Variants in LARP1 observed in about 807,000 individuals in gnomAD.
LARP1 encodes la-related protein 1.
In LARP1, 36 loss-of-function variants were observed where a neutral mutation model predicts 122.7. The ratio of observed to expected loss-of-function variants is 0.29; its 90% CI spans 0.22 to 0.39. The LOEUF is 0.39. Ranked by LOEUF, LARP1 falls within the 10% of genes least tolerant of loss-of-function variation. LARP1 has a pLI of 1.00. For synonymous variants in LARP1, 539 were observed against 528.7 expected (o/e 1.02, Z -0.27); for missense variants, 1,040 against 1,403.6 (o/e 0.74, Z 4.14).
intron 1 of LARP1, among the ~76,000 whole-genome samples, chr5:154,726,636 A>T (rs1427987121): frequency 6.6e-6 from 1 of 152,232 alleles, no homozygotes; most frequent in East Asian, 1.9e-4. Flanking sequence ...AACTCAATAG[A>T]TGGATATAAC....
chr5:154,800,255 G>A (rs1040819511), intron 10 of LARP1, among the ~76,000 whole-genome samples: 3 of 152,200 alleles, frequency 2.0e-5, no homozygotes, highest in Admixed American at 1.3e-4. Flanking sequence ...CCTTTAGGGC[G>A]CCCTACTGTG....
chr5:154,799,310 A>T (rs181477033), intron 8 of LARP1, among the ~76,000 whole-genome samples: 1 of 152,156 alleles, frequency 6.6e-6, no homozygotes, highest in African/African-American at 2.4e-5. Context: ...TATTATACAT[A>T]CTGCTCCCTG....
intron 10 of LARP1, among the ~76,000 whole-genome samples, chr5:154,800,568 C>G (rs1758264729): frequency 6.6e-6 from 1 of 152,146 alleles, no homozygotes; most frequent in Non-Finnish European, 1.5e-5. Context: ...GTTTCTCCAT[C>G]TGCAGATGAA....
At position 154,739,833 on chromosome 5, in the gene LARP1, G is replaced by C. The variant is rs530317744; in HGVS notation, c.205+26703G>C. ...GCCACCCCTCTGAATTTCCAGCCCT[G>C]AGTTTGGGCTGGGATCCACTGTCTC... On this transcript the variant is annotated intron_variant, in intron 1 of 18. Coordinates refer to the LARP1 transcript ENST00000336314. Among the ~76,000 whole-genome samples, 350 of 152,310 alleles carry C rather than the reference G, an allele frequency of 2.3e-3. 4 individuals carry two copies. Among genetic ancestry groups the C allele is most frequent in the Non-Finnish European group, 1.6e-3 (112 of 68,020 alleles).
At chr5:154,712,263 G>A (rs1376568880), upstream of LARP1, among the ~76,000 whole-genome samples, 1 of 152,176 alleles carries the variant, frequency 6.6e-6, no homozygotes, top group African/African-American at 2.4e-5. Flanking sequence ...AGGATCACTA[G>A]CATGACTATA....
intron 8 of LARP1, 131 bp downstream of exon 8, chr5:154,795,450 T>TAGTCTCCTCC: frequency 1.2e-6 from 1 of 838,614 alleles, no homozygotes; most frequent in Non-Finnish European, 1.8e-6. Context: ...AAGGCTTGGC[T>TAGTCTCCTCC]AGTCTCCTCC....
chr5:154,812,095 A>G (rs889478608), intron 18 of LARP1, among the ~76,000 whole-genome samples: 2 of 152,202 alleles, frequency 1.3e-5, no homozygotes, highest in Admixed American at 1.3e-4. Context: ...TGCTGGGTAT[A>G]TCAAGGGAAG....
chr5:154,797,238 T>TG (rs1757953303), intron 8 of LARP1, among the ~76,000 whole-genome samples: 2 of 134,640 alleles, frequency 1.5e-5, no homozygotes, highest in African/African-American at 5.6e-5. Flanking sequence ...TTTTTTTTTT[T>TG]TTTTTTTTTT....
chr5:154,743,249 A>G (rs1400415095), intron 1 of LARP1, among the ~76,000 whole-genome samples: 1 of 151,688 alleles, frequency 6.6e-6, no homozygotes, highest in African/African-American at 2.4e-5. Context: ...AATGCTAGCT[A>G]TTGTCATTAT....
At chr5:154,742,729 CAAA>C (rs542787090) in intron 1 of LARP1, among the ~76,000 whole-genome samples, 9 of 77,360 alleles carry the variant, frequency 1.2e-4, no homozygotes, top group Admixed American at 2.9e-4. Context: ...GACCCTGTCT[CAAA>C]AAAAAAAAAA....
intron 1 of LARP1, among the ~76,000 whole-genome samples, chr5:154,687,632 C>T (rs1461842438): frequency 2.6e-5 from 4 of 152,104 alleles, no homozygotes; most frequent in African/African-American, 4.8e-5. Flanking sequence ...CTGCCTGCAT[C>T]GGCCTCCCAA....
intron 1 of LARP1, among the ~76,000 whole-genome samples, chr5:154,695,264 A>G (rs1754416659): frequency 6.6e-6 from 1 of 152,032 alleles, no homozygotes; most frequent in Admixed American, 6.6e-5. Context: ...GTAAGCAGAG[A>G]TCGCCTCACT....
chr5:154,803,862 C>T lies in LARP1; in HGVS notation c.2439+117C>T. ...GGAAGTGCTAAATCCTTCACCTGCT[C>T]TGTGTTCTGAGGCTGGTGGGCTTAC... On this transcript the variant is annotated intron_variant, in intron 13 of 18. Transcript: ENST00000518297. This position sits in a 1 kb window ranked among gnomAD's most constrained non-coding sequence, Gnocchi z 4.4. 2.8e-6 allele frequency: 3 copies of T among 1,082,616 alleles called. No homozygotes were observed. The highest frequency in any genetic ancestry group is 2.8e-5 in the South Asian group (2 of 70,488). 67.1% of individuals were successfully genotyped at this position (1,082,616 alleles called of 1,614,324 possible).
At chr5:154,805,148 G>T (rs1235057897) in intron 14 of LARP1, 6 of 335,514 alleles carry the variant, frequency 1.8e-5, no homozygotes, top group African/African-American at 1.3e-4. Context: ...GGCCTACTTG[G>T]TGGGGAGAGG....
intron 3 of LARP1, chr5:154,792,130 A>G: frequency 2.9e-6 from 1 of 349,458 alleles, no homozygotes; most frequent in Non-Finnish European, 5.9e-6. Flanking sequence ...GTCTTGGGGA[A>G]GCTTATAAAA....
At chr5:154,759,952 TTTTTTTGG>T (rs1754315503) in intron 1 of LARP1, among the ~76,000 whole-genome samples, 2 of 110,204 alleles carry the variant, frequency 1.8e-5, no homozygotes, top group South Asian at 7.2e-4. Flanking sequence ...TGTTTGTTTG[TTTTTTTGG>T]AGACAGTCTG....
At chr5:154,792,936 G>T (rs2113779469) in intron 4 of LARP1, 140 bp downstream of exon 4, 1 of 769,802 alleles carries the variant, frequency 1.3e-6, no homozygotes, top group South Asian at 1.9e-5. Flanking sequence ...AGGCTGGTGA[G>T]ATAGCAGTCT....
At position 154,788,540 on chromosome 5, in the gene LARP1, T is replaced by C. The variant is rs189744904; in HGVS notation, c.437-1785T>C. Reference sequence around the variant, plus strand: ...GCAAATTTCTCTGCTGCTCGGGGTTTGGGGGCAGCTCTCGCCCTGGCATGG... The same window carrying C: ...GCAAATTTCTCTGCTGCTCGGGGTTCGGGGGCAGCTCTCGCCCTGGCATGG... On this transcript the variant is annotated intron_variant, in intron 1 of 18. Transcript: ENST00000518297. 3.3e-4 allele frequency among the ~76,000 whole-genome samples: 51 copies of C among 152,272 alleles called. 1 individual carries two copies. The East Asian group carries it at 9.5e-3, about 28-fold the overall frequency.
chr5:154,694,120 CA>C (rs1053847481), intron 1 of LARP1, among the ~76,000 whole-genome samples: 4 of 151,308 alleles, frequency 2.6e-5, no homozygotes, highest in South Asian at 2.1e-4. Context: ...GTTGTAAAAA[CA>C]AAAAAAAGTA....
Sources: allele counts gnomAD v4.1 joint callset (sites outside exome capture counted in the v4.1 genomes callset), GRCh38; gene constraint gnomAD v4.1.1; non-coding constraint Gnocchi (gnomAD v3.1); transcripts MANE v1.5; gene names NCBI Gene and HGNC (gene_info 2026-07-23, HGNC 2026-07-21).